Variants in SOX6 observed in about 807,000 individuals in gnomAD.
SOX6 encodes the protein SRY-box transcription factor 6.
SOX6 carries 11 observed loss-of-function variants against 97.8 expected under a neutral mutation model. The ratio of observed to expected loss-of-function variants is 0.11; its 90% CI spans 0.07 to 0.19. The LOEUF (loss-of-function observed/expected upper bound fraction) is 0.19, where lower values mean the gene tolerates loss of function less well. Ranked by LOEUF, SOX6 falls within the 10% of genes least tolerant of loss-of-function variation. SOX6 has a pLI of 1.00. For synonymous variants in SOX6, 360 were observed against 371.4 expected (o/e 0.97, Z 0.35); for missense variants, 810 against 1,039.5 (o/e 0.78, Z 3.04).
At chr11:16,347,836 T>C (rs960463503) in intron 1 of SOX6, among the ~76,000 whole-genome samples, 1 of 152,150 alleles carries the variant, frequency 6.6e-6, no homozygotes. Context: ...ATACTTTAGA[T>C]TGTTTCAAAA....
intron 4 of SOX6, among the ~76,000 whole-genome samples, chr11:16,213,082 C>T (rs994975384): frequency 1.3e-5 from 2 of 151,880 alleles, no homozygotes; most frequent in African/African-American, 4.8e-5. Context: ...ACTTTTGTAC[C>T]TTTGGTTAAT....
chr11:16,548,843 T>C (rs2133183023), intron 4 of SOX6, among the ~76,000 whole-genome samples: 1 of 152,184 alleles, frequency 6.6e-6, no homozygotes, highest in East Asian at 1.9e-4. Context: ...TCACCACAAA[T>C]AAATGAAGTA....
intron 1 of SOX6, among the ~76,000 whole-genome samples, chr11:16,464,151 A>C (rs34854785): frequency 0.12 from 18,282 of 152,216 alleles, 1,232 homozygotes; most frequent in Non-Finnish European, 0.15. Flanking sequence ...TAAGCCTTAA[A>C]ATTTCACAAA....
chr11:16,033,117 T>C (rs1389453566), intron 12 of SOX6, among the ~76,000 whole-genome samples: 1 of 152,208 alleles, frequency 6.6e-6, no homozygotes, highest in Non-Finnish European at 1.5e-5. Flanking sequence ...AATATTTACC[T>C]GAATCCCTAG....
chr11:16,527,461 G>T (rs145402827), intron 4 of SOX6, among the ~76,000 whole-genome samples: 35 of 152,176 alleles, frequency 2.3e-4, no homozygotes, highest in African/African-American at 8.2e-4. Flanking sequence ...GTGCTGAAGA[G>T]GGAAGGAATC....
chr11:16,364,609 T>G (rs547811483), intron 1 of SOX6, among the ~76,000 whole-genome samples: 1 of 152,242 alleles, frequency 6.6e-6, no homozygotes, highest in East Asian at 1.9e-4. Context: ...TTTACCCTGA[T>G]TACCTCACAA....
At chr11:16,069,277 CA>C (rs1344051000) in intron 9 of SOX6, among the ~76,000 whole-genome samples, 6 of 152,264 alleles carry the variant, frequency 3.9e-5, no homozygotes, top group Middle Eastern at 3.4e-3. Context: ...AAGTGATATG[CA>C]TAAAAATATC....
intron 2 of SOX6, among the ~76,000 whole-genome samples, chr11:16,340,679 C>T (rs1856601927): frequency 6.6e-6 from 1 of 152,008 alleles, no homozygotes; most frequent in Non-Finnish European, 1.5e-5. Flanking sequence ...CATAAGCATA[C>T]TTTATTTGCT....
chr11:16,094,536 C>G (rs1848754618), intron 9 of SOX6, among the ~76,000 whole-genome samples: 1 of 151,866 alleles, frequency 6.6e-6, no homozygotes, highest in Non-Finnish European at 1.5e-5. Context: ...GAGTTTGAGC[C>G]AAGGCTACCT....
intron 1 of SOX6, among the ~76,000 whole-genome samples, chr11:16,737,582 T>G (rs1453697137): frequency 6.6e-6 from 1 of 152,100 alleles, no homozygotes; most frequent in Non-Finnish European, 1.5e-5. Context: ...AGGACAAGGA[T>G]TCTGACAGAA....
At chr11:16,319,045 C>T (rs927717924) in intron 2 of SOX6, among the ~76,000 whole-genome samples, 1 of 152,054 alleles carries the variant, frequency 6.6e-6, no homozygotes, top group African/African-American at 2.4e-5. Flanking sequence ...TAATTGGACA[C>T]TTTTAGTATC....
chr11:16,288,061 T>C (rs184236566), intron 3 of SOX6, among the ~76,000 whole-genome samples: 3 of 152,284 alleles, frequency 2.0e-5, no homozygotes, highest in African/African-American at 4.8e-5. Flanking sequence ...TTTCATACTT[T>C]ACAGGTACAC....
intron 4 of SOX6, among the ~76,000 whole-genome samples, chr11:16,189,636 C>G (rs1326248843): frequency 5.3e-5 from 8 of 152,132 alleles, no homozygotes; most frequent in Non-Finnish European, 4.4e-5. Flanking sequence ...TTCCTAATCA[C>G]TAAAGTATTT....
intron 6 of SOX6, among the ~76,000 whole-genome samples, chr11:16,132,397 AG>A (rs1564972283): frequency 9.6e-5 from 8 of 82,958 alleles, no homozygotes; most frequent in Admixed American, 6.1e-4. Context: ...AAAGAAAGAA[AG>A]AAAAAAGAAA....
chr11:16,645,656 C>G (rs1432787181), intron 3 of SOX6, among the ~76,000 whole-genome samples: 1 of 152,100 alleles, frequency 6.6e-6, no homozygotes, highest in Non-Finnish European at 1.5e-5. Context: ...TGCCATATGG[C>G]AACAAAGGCA....
At chr11:16,055,655 T>C (rs1215792843) in intron 10 of SOX6, 97 bp downstream of exon 10, 4 of 1,477,558 alleles carry the variant, frequency 2.7e-6, no homozygotes, top group Non-Finnish European at 3.8e-6. Flanking sequence ...TATGTTGCTA[T>C]GTTTCCTGCT....
chr11:16,493,409 T>G (rs1258030011), intron 4 of SOX6, among the ~76,000 whole-genome samples: 2 of 152,126 alleles, frequency 1.3e-5, no homozygotes, highest in Non-Finnish European at 2.9e-5. Flanking sequence ...GCATGCATGC[T>G]CTGGGGGTGA....
At chr11:16,626,670 G>A (rs952871094) in intron 3 of SOX6, among the ~76,000 whole-genome samples, 10 of 152,170 alleles carry the variant, frequency 6.6e-5, no homozygotes, top group Non-Finnish European at 1.3e-4. Context: ...TTTTCAGTCT[G>A]TGAAAATAGC....
intron 2 of SOX6, among the ~76,000 whole-genome samples, chr11:16,330,913 TA>T (rs747679298): frequency 6.6e-6 from 1 of 151,490 alleles, no homozygotes; most frequent in Non-Finnish European, 1.5e-5. Flanking sequence ...GGCCCCCAGA[TA>T]AAAAAAGAAA....
Sources: gnomAD v4.1 joint callset for allele counts (sites outside exome capture counted in the v4.1 genomes callset) on GRCh38, gnomAD v4.1.1 for gene constraint, MANE v1.5 for transcripts, NCBI Gene and HGNC (gene_info 2026-07-23, HGNC 2026-07-21) for gene names.